The following DOP1B variants were observed in gnomAD, a reference collection of about 807,000 sequenced individuals.
The protein encoded by DOP1B is DOP1 leucine zipper like protein B, also known as protein DOP1B.
DOP1B carries 174 observed loss-of-function variants against 233.5 expected under a neutral mutation model. That is an observed-to-expected ratio of 0.75 (90% CI 0.66 to 0.85). DOP1B has a LOEUF of 0.85. Ranked by LOEUF, DOP1B falls within the 40% of genes least tolerant of loss-of-function variation. The probability of loss-of-function intolerance (pLI) is 0.00; values close to 1 mark genes in which losing one functional copy is unlikely to be tolerated. For missense variants in DOP1B, 2,652 were observed against 2,846.6 expected (o/e 0.93, Z 1.56); for synonymous variants, 1,190 against 1,185.6 (o/e 1.00, Z -0.08).
rs569991714 is a variant in DOP1B, at chr21:36,236,728, G to A, written c.2623-534G>A. 5.3e-5 allele frequency among the ~76,000 whole-genome samples: 8 copies of A among 151,986 alleles called. No homozygotes were observed. The South Asian group carries it at 1.2e-3, about 24-fold the overall frequency. ...CCTCCTATAACATTGCCTGCTGCCT[G>A]GATGACTTTGGTGGGTTTTTCCTTT... On this transcript the variant is annotated intron_variant, in intron 15 of 36. Transcript: ENST00000691173.
chr21:36,239,027 C>T (rs1016630511), intron 17 of DOP1B, among the ~76,000 whole-genome samples: 9 of 152,038 alleles, frequency 5.9e-5, no homozygotes, highest in Non-Finnish European at 7.4e-5. Flanking sequence ...CACTTGAACC[C>T]GGGAGGCAAA....
chr21:36,245,321 A>T lies in DOP1B; in HGVS notation c.3341A>T (p.Asp1114Val). ...AGCAGCGAGCACACCGAGTCTGCAG[A>T]TACAAGCTCCTGCCACACGGACAGC... ...PDSSEHTESADTSSCHTDSEN... is the reference protein window; with the variant it reads ...PDSSEHTESAVTSSCHTDSEN... The change falls in exon 19 of 37, where the codon GAT (aspartate) becomes GTT (valine). Residue 1114 changes from aspartate to valine, a missense_variant. Physicochemically the swap from Asp to Val is radical, Grantham distance 152 (BLOSUM62 -3). Transcript: ENST00000691173. This position sits in a 1 kb window ranked among gnomAD's most constrained non-coding sequence, Gnocchi z 5.5. 1 of 1,614,126 alleles carries T rather than the reference A, an allele frequency of 6.2e-7. No homozygotes were observed. The highest frequency in any genetic ancestry group is 8.5e-7 in the Non-Finnish European group (1 of 1,180,044).
chr21:36,176,362 A>G (rs2845749), intron 2 of DOP1B, among the ~76,000 whole-genome samples: 146,922 of 152,118 alleles, frequency 0.97, 71,141 homozygotes, highest in Non-Finnish European at 1. Context: ...CTGCATGCTC[A>G]GTGCCTAGAA....
At chr21:36,162,920 G>T (rs2065880760) in intron 1 of DOP1B, among the ~76,000 whole-genome samples, 2 of 152,078 alleles carry the variant, frequency 1.3e-5, no homozygotes, top group Non-Finnish European at 2.9e-5. Context: ...ACAAGCTCTG[G>T]TGCTGGAGGG....
In DOP1B at chr21:36,246,213, G is replaced by A; in HGVS notation, c.4233G>A (p.Arg1411=). ...GGCTGGCCACCGCCCACCACGGCAGGGCCCTGCCAGAGGACAGCCTCTTTG... is the reference window on the plus strand; with the variant it reads ...GGCTGGCCACCGCCCACCACGGCAGAGCCCTGCCAGAGGACAGCCTCTTTG... ...RYGLATAHHG[R]ALPEDSLFEE... The change falls in exon 19 of 37, where the codon AGG becomes AGA. Residue 1411 remains arginine (R), a synonymous_variant. Coordinates refer to ENST00000691173, the MANE Select transcript of DOP1B (RefSeq NM_001320714.2). The surrounding 1 kb of genome is among the most constrained non-coding windows in gnomAD (Gnocchi z 5.1). 1 of 1,613,804 alleles carries A rather than the reference G, an allele frequency of 6.2e-7. No individual in the cohort carries two copies. The highest frequency in any genetic ancestry group is 8.5e-7 in the Non-Finnish European group (1 of 1,180,032).
chr21:36,292,048 T>C, intron 35 of DOP1B, 56 bp from the exon 36 acceptor site: 1 of 1,533,110 alleles, frequency 6.5e-7, no homozygotes, highest in African/African-American at 1.4e-5. Flanking sequence ...AAACTAATTT[T>C]AACGACGTTG....
At chr21:36,283,936 C>CTTTTTTTTTTT (rs547999186) in intron 32 of DOP1B, among the ~76,000 whole-genome samples, 1 of 100,990 alleles carries the variant, frequency 9.9e-6, no homozygotes, top group African/African-American at 4.0e-5. Flanking sequence ...ACACCTGTTC[C>CTTTTTTTTTTT]TTTTTTTTTT....
In DOP1B at chr21:36,237,411, C is replaced by T; in HGVS notation, c.2772C>T (p.Asp924=). 1 of 1,613,968 alleles carries T rather than the reference C, an allele frequency of 6.2e-7. No individual in the cohort carries two copies. Among genetic ancestry groups the T allele is most frequent in the Non-Finnish European group, 8.5e-7 (1 of 1,180,026 alleles). ...DIICHALLDP[D]KGTRLEALFR... is the part of the protein sequence containing the mutation. ...TCTGCCATGCCCTCCTGGACCCTGA[C>T]AAGGTGAGCCTTTCTGGCCGCCACC... The change falls in exon 16 of 37, where the codon GAC becomes GAT. Residue 924 remains aspartate, a synonymous_variant. Transcript: ENST00000691173.
At chr21:36,244,910 C>A in intron 18 of DOP1B, 138 bp from the exon 19 acceptor site, 1 of 826,102 alleles carries the variant, frequency 1.2e-6, no homozygotes, top group Non-Finnish European at 1.8e-6. Flanking sequence ...GTAAACCGGA[C>A]TCTGGTGGTG....
intron 26 of DOP1B, 34 bp downstream of exon 26, chr21:36,263,848 TTA>T: frequency 6.2e-7 from 1 of 1,600,442 alleles, no homozygotes; most frequent in South Asian, 1.1e-5. Flanking sequence ...CCAAATGATA[TTA>T]CCCCAGCAGT....
chr21:36,255,570 C>G (rs1160560567), intron 23 of DOP1B, among the ~76,000 whole-genome samples: 1 of 151,814 alleles, frequency 6.6e-6, no homozygotes, highest in Non-Finnish European at 1.5e-5. Flanking sequence ...ATAGCTGAGA[C>G]CACACATGCA....
rs1569048915 is a variant in DOP1B, at chr21:36,246,868, GTTATGTTAT to G, written c.4697+192_4697+200del. On this transcript the variant is annotated intron_variant, in intron 19 of 36. Coordinates refer to ENST00000691173, the MANE Select transcript of DOP1B (RefSeq NM_001320714.2). This position sits in a 1 kb window ranked among gnomAD's most constrained non-coding sequence, Gnocchi z 5.1. ...ATTATGTTATGTTATGTTATGTTAT[GTTATGTTAT>G]GTTATGTTATGTTATGTTATTTTTG... is the stretch of plus-strand genomic sequence containing the variant. Among the ~76,000 whole-genome samples, 4 of 149,236 alleles carry G rather than the reference GTTATGTTAT, an allele frequency of 2.7e-5. No homozygotes were observed. The highest frequency in any genetic ancestry group is 5.9e-5 in the Non-Finnish European group (4 of 67,874).
At chr21:36,228,190 C>G (rs2066715182) in intron 13 of DOP1B, among the ~76,000 whole-genome samples, 1 of 151,992 alleles carries the variant, frequency 6.6e-6, no homozygotes. Context: ...AGGCCAAGTA[C>G]AGTGGCCCAC....
At chr21:36,173,373 C>T (rs2835295) in intron 2 of DOP1B, among the ~76,000 whole-genome samples, 59,738 of 151,302 alleles carry the variant, frequency 0.39, 12,444 homozygotes, top group Admixed American at 0.47. Context: ...CAAACTTGCT[C>T]AATGTTTCAG....
intron 2 of DOP1B, among the ~76,000 whole-genome samples, chr21:36,195,772 G>C (rs2066284393): frequency 6.6e-6 from 1 of 152,170 alleles, no homozygotes; most frequent in Non-Finnish European, 1.5e-5. Context: ...GTCAGGATAG[G>C]GAAAGTTATG....
intron 2 of DOP1B, among the ~76,000 whole-genome samples, chr21:36,167,417 C>T (rs745803547): frequency 3.9e-5 from 6 of 152,070 alleles, no homozygotes; most frequent in Non-Finnish European, 5.9e-5. Context: ...TCAAGTGATC[C>T]GCCCACCTCA....
chr21:36,164,974 C>A (rs2065895357), intron 2 of DOP1B, 103 bp downstream of exon 2: 4 of 1,013,562 alleles, frequency 3.9e-6, no homozygotes, highest in African/African-American at 1.7e-5. Flanking sequence ...ATTTTATAAT[C>A]TTTATATCAT....
intron 9 of DOP1B, 23 bp downstream of exon 9, chr21:36,214,579 T>C (rs2850079): frequency 0.75 from 1,199,333 of 1,599,082 alleles, 450,531 homozygotes; most frequent in East Asian, 0.82. Flanking sequence ...ATGCTGCTTC[T>C]ATCCTATGCT....
intron 26 of DOP1B, among the ~76,000 whole-genome samples, chr21:36,266,958 T>A (rs8132955): frequency 0.32 from 48,325 of 152,094 alleles, 8,803 homozygotes; most frequent in East Asian, 0.58. Context: ...CTTCACACCC[T>A]GCCCTGCCTA....
Sources: gnomAD v4.1 joint callset for allele counts (sites outside exome capture counted in the v4.1 genomes callset) on GRCh38, gnomAD v4.1.1 for gene constraint, Gnocchi (gnomAD v3.1) non-coding constraint, MANE v1.5 for transcripts, NCBI Gene and HGNC (gene_info 2026-07-23, HGNC 2026-07-21) for gene names.